The following KIAA0930 variants were observed in gnomAD, a reference collection of about 807,000 sequenced individuals.
The protein encoded by KIAA0930 is uncharacterized protein KIAA0930.
KIAA0930 carries 24 observed loss-of-function variants against 43.9 expected under a neutral mutation model. That is an observed-to-expected ratio of 0.55 (90% CI 0.40 to 0.77). KIAA0930 has a LOEUF of 0.77. Ranked by LOEUF, KIAA0930 falls within the 30% of genes least tolerant of loss-of-function variation. KIAA0930 has a pLI of 0.00. For missense variants in KIAA0930, 461 were observed against 574.2 expected, an observed-to-expected ratio of 0.80 and a Z score of 2.02; for synonymous variants, 259 against 216.4, an observed-to-expected ratio of 1.20 and a Z score of -1.73.
At chr22:45,209,683 T>C (rs2083675675) in intron 2 of KIAA0930, among the ~76,000 whole-genome samples, 1 of 152,228 alleles carries the variant, frequency 6.6e-6, no homozygotes, top group South Asian at 2.1e-4. Flanking sequence ...CCATACCGTC[T>C]GTCTATCCAA....
At chr22:45,204,798 C>T (rs1458730693) in intron 5 of KIAA0930, among the ~76,000 whole-genome samples, 1 of 151,816 alleles carries the variant, frequency 6.6e-6, no homozygotes, top group Admixed American at 6.5e-5. Flanking sequence ...GCCCAGATAA[C>T]TCCGGAAACC....
rs1268272587 is a variant in KIAA0930 at position 45,194,462 on chromosome 22, T to C, written c.*2714A>G. On this transcript the variant is annotated 3_prime_UTR_variant, in exon 10 of 10. Coordinates refer to ENST00000336156, the MANE Select transcript of KIAA0930 (RefSeq NM_001009880.2). ...CTTAAAGGGGTTTTGGGATCAAGTG[T>C]CCTGTTGAGGAAAACTAGGTGTCAC... 1 of 152,186 alleles carries C rather than the reference T, an allele frequency of 6.6e-6. No individual in the cohort carries two copies. The highest frequency in any genetic ancestry group is 1.5e-5 in the Non-Finnish European group (1 of 68,040). The allele number at this position is 152,186 out of a possible 1,614,324, so 9.4% of individuals were successfully genotyped here.
chr22:45,203,902 C>G lies in KIAA0930; in HGVS notation c.600G>C (p.Gly200=). 1 of 1,614,086 alleles carries G rather than the reference C, an allele frequency of 6.2e-7. No individual in the cohort carries two copies. Among genetic ancestry groups the G allele is most frequent in the African/African-American group, 1.3e-5 (1 of 75,026 alleles). ...VASDKTNTFQ[G]VIFQGSIRYE... ...AGCGGATGGAGCCCTGAAAGATGAC[C>G]CCCTGGAACGTGTTGGTTTTGTCAC... Residue 200 remains glycine (G), a synonymous_variant, in exon 6 of 10, where the codon GGG becomes GGC. Coordinates refer to ENST00000336156, the MANE Select transcript of KIAA0930 (RefSeq NM_001009880.2).
In KIAA0930 at chr22:45,199,982, G is replaced by A; in HGVS notation, c.906C>T (p.Phe302=). The change falls in exon 8 of 10, where the codon TTC becomes TTT. Residue 302 remains phenylalanine, a synonymous_variant. Transcript: ENST00000336156. Reference sequence around the variant, plus strand: ...CCTTCCTCTTGAGGGATGGGGAGAAGAAGGCAGGCCGGTTGTTCCGTTCTG... The same window carrying A: ...CCTTCCTCTTGAGGGATGGGGAGAAAAAGGCAGGCCGGTTGTTCCGTTCTG... ...PTPERNNRPA[F]FSPSLKRKVP... is the part of the protein sequence containing the mutation. 6.2e-7 allele frequency: 1 copy of A among 1,609,248 alleles called. No individual in the cohort carries two copies. Among genetic ancestry groups the A allele is most frequent in the Non-Finnish European group, 8.5e-7 (1 of 1,177,600 alleles).
At chr22:45,231,230 A>G (rs1233960970) in intron 1 of KIAA0930, among the ~76,000 whole-genome samples, 1 of 151,840 alleles carries the variant, frequency 6.6e-6, no homozygotes, top group Non-Finnish European at 1.5e-5. Flanking sequence ...TCAGAAAAAA[A>G]AAAAAAAAAA....
At chr22:45,203,795 C>A (rs1401511169) in intron 6 of KIAA0930, 50 bp downstream of exon 6, 3 of 1,586,276 alleles carry the variant, frequency 1.9e-6, no homozygotes, top group South Asian at 2.3e-5. Flanking sequence ...GGCTGTGGAG[C>A]CGCCGTCCCC....
chr22:45,218,215 T>TG lies in KIAA0930; in HGVS notation c.65-6109dup, dbSNP rs1047528315. Among the ~76,000 whole-genome samples the TG allele has an allele frequency of 3.3e-5, 5 of 152,172 alleles. No homozygotes were observed. The East Asian group carries it at 5.8e-4, about 18-fold the overall frequency. ...TCTTGTCGCTCAGGCTGGAGTGCAATGGCACGATCTCGGCTCACTGCAACC... is the reference window on the plus strand; with the variant it reads ...TCTTGTCGCTCAGGCTGGAGTGCAATGGGCACGATCTCGGCTCACTGCAACC... On this transcript the variant is annotated intron_variant, in intron 1 of 9. Transcript: ENST00000336156.
intron 7 of KIAA0930, 45 bp from the exon 8 acceptor site, chr22:45,200,080 C>T: frequency 6.5e-7 from 1 of 1,535,898 alleles, no homozygotes; most frequent in Non-Finnish European, 8.8e-7. Context: ...GAACAGCCCC[C>T]TCCCCGGGGG....
At chr22:45,204,626 G>A (rs1189375276) in intron 5 of KIAA0930, among the ~76,000 whole-genome samples, 6 of 151,968 alleles carry the variant, frequency 3.9e-5, no homozygotes, top group East Asian at 1.9e-4. Flanking sequence ...CCTTGGATGC[G>A]CACAAGGACC....
At chr22:45,218,197 G>A (rs1379201153) in intron 1 of KIAA0930, among the ~76,000 whole-genome samples, 1 of 151,922 alleles carries the variant, frequency 6.6e-6, no homozygotes, top group South Asian at 2.1e-4. Flanking sequence ...TGTTCTTGTC[G>A]CTCAGGCTGG....
intron 8 of KIAA0930, among the ~76,000 whole-genome samples, chr22:45,199,416 G>A (rs2083566520): frequency 6.6e-6 from 1 of 152,206 alleles, no homozygotes; most frequent in Admixed American, 6.5e-5. Flanking sequence ...AAGAGCACGT[G>A]GTTCTGGGAG....
chr22:45,233,564 C>T (rs924101690), intron 1 of KIAA0930, among the ~76,000 whole-genome samples: 24 of 152,262 alleles, frequency 1.6e-4, no homozygotes, highest in Admixed American at 1.2e-3. Flanking sequence ...CACGCTTCTA[C>T]TTCAGCTGCA....
rs1168001528 is a variant in KIAA0930, at chr22:45,192,389, T to C, written c.*4787A>G. On this transcript the variant is annotated 3_prime_UTR_variant, in exon 10 of 10. Transcript: ENST00000336156. The stretch of plus-strand genomic sequence containing the variant: ...TGGAAGAGGGTTAATAAAGACGCTG[T>C]TGGTAACGCGTACAGAACTATCACT... The C allele has an allele frequency of 6.6e-6, 1 of 152,222 alleles. No homozygotes were observed. The highest frequency in any genetic ancestry group is 2.4e-5 in the African/African-American group (1 of 41,458). The allele number at this position is 152,222 out of a possible 1,614,324, so 9.4% of individuals were successfully genotyped here.
rs567061695 is a variant in KIAA0930 at position 45,225,907 on chromosome 22, C to T, written c.65-13800G>A. Among the ~76,000 whole-genome samples the T allele has an allele frequency of 3.3e-5, 5 of 152,358 alleles. No individual in the cohort carries two copies. In the South Asian group the frequency reaches 1.0e-3, roughly 32 times the overall value. ...GCTCAAGGCCCGAGCGCCTGGTCTG[C>T]AGTCAGGCCTGTCAGGGCCAGGCCA... On this transcript the variant is annotated intron_variant, in intron 1 of 9. Transcript: ENST00000336156.
Position 45,208,320 on chromosome 22 carries a change from G to A in KIAA0930, c.217-2408C>T, listed in dbSNP as rs560652752. 6.2e-3 allele frequency among the ~76,000 whole-genome samples: 896 copies of A among 145,360 alleles called. 3 individuals are homozygous for A. The highest frequency in any genetic ancestry group is 0.01 in the Non-Finnish European group (671 of 65,406). ...AGCTGTGAGAACAGGCAGAACCACC[G>A]ACTCCACACACATGAGCTGTGAGAA... is the stretch of plus-strand genomic sequence containing the variant. On this transcript the variant is annotated intron_variant, in intron 2 of 9. Transcript: ENST00000336156.
intron 1 of KIAA0930, among the ~76,000 whole-genome samples, chr22:45,236,548 T>TGG (rs1002068125): frequency 6.6e-5 from 10 of 152,072 alleles, no homozygotes; most frequent in African/African-American, 2.4e-4. Flanking sequence ...ACAGCTCCAC[T>TGG]GGGGTCCTGC....
At chr22:45,228,983 A>G (rs138714674) in intron 1 of KIAA0930, among the ~76,000 whole-genome samples, 5,595 of 8,562 alleles carry the variant, frequency 0.65, 2,091 homozygotes, top group East Asian at 0.99. Context: ...CCACTCACCC[A>G]AAAGATCCCT....
chr22:45,210,798 C>A (rs1162021470), intron 2 of KIAA0930, among the ~76,000 whole-genome samples: 2 of 152,144 alleles, frequency 1.3e-5, no homozygotes, highest in Admixed American at 1.3e-4. Flanking sequence ...CCCTGCCTGC[C>A]CGAGTGTGGC....
chr22:45,203,840 C>T lies in KIAA0930; in HGVS notation c.657+5G>A, dbSNP rs760913987. The T allele has an allele frequency of 1.2e-6, 2 of 1,613,762 alleles. No homozygotes were observed. The highest frequency in any genetic ancestry group is 1.7e-6 in the Non-Finnish European group (2 of 1,179,800). On this transcript the variant is annotated splice_donor_5th_base_variant and intron_variant, in intron 6 of 9. Coordinates refer to ENST00000336156, the MANE Select transcript of KIAA0930 (RefSeq NM_001009880.2). ...AGAACACCCGTGAGGCCGCCCCGCA[C>T]TCACCCGGTTGTCATACACCTTCTT...
Sources: gnomAD v4.1 joint callset for allele counts (sites outside exome capture counted in the v4.1 genomes callset) on GRCh38, gnomAD v4.1.1 for gene constraint, MANE v1.5 for transcripts, NCBI Gene and HGNC (gene_info 2026-07-23, HGNC 2026-07-21) for gene names.